Variants in QTRT2 observed in about 807,000 individuals in gnomAD.
The protein encoded by QTRT2 is queuine tRNA-ribosyltransferase domain containing 1.
A neutral mutation model predicts 44.8 loss-of-function variants in QTRT2; 32 were observed. The observed-to-expected ratio is 0.71, with a 90% CI of 0.54 to 0.96. The LOEUF (loss-of-function observed/expected upper bound fraction) is 0.96. Among genes scored for constraint, QTRT2 ranks in the 40% least tolerant of loss-of-function variants. QTRT2 has a pLI of 0.00. For missense variants in QTRT2, 461 were observed against 503.1 expected (o/e 0.92, Z 0.80); for synonymous variants, 182 against 187.4 (o/e 0.97, Z 0.24).
chr3:114,073,831 C>T (rs1275083844), intron 6 of QTRT2, among the ~76,000 whole-genome samples: 3 of 152,026 alleles, frequency 2.0e-5, no homozygotes, highest in African/African-American at 7.2e-5. Flanking sequence ...GGGAGTTTCC[C>T]GAATAGTCAT....
At chr3:114,082,246 A>G (rs1294837114) in intron 8 of QTRT2, among the ~76,000 whole-genome samples, 2 of 124,206 alleles carry the variant, frequency 1.6e-5, no homozygotes, top group Middle Eastern at 3.9e-3. Flanking sequence ...ACACACACAC[A>G]CACACACGCA....
Position 114,056,750 on chromosome 3 carries a change from T to A in QTRT2, c.-244T>A. On this transcript the variant is annotated 5_prime_UTR_variant, in exon 1 of 10. Coordinates refer to ENST00000281273, the MANE Select transcript of QTRT2 (RefSeq NM_024638.4). ...CAGTGATGACGCAGTACTCCCTGAT[T>A]GGCTCTGCACTGGAGGCAGTGATTT... 1.4e-6 allele frequency: 2 copies of A among 1,423,838 alleles called. No homozygotes were observed. The highest frequency in any genetic ancestry group is 2.6e-5 in the South Asian group (2 of 76,488). The allele number at this position is 1,423,838 out of a possible 1,614,324, so 88.2% of individuals were successfully genotyped here. A position where few individuals can be genotyped will look rare whatever the true frequency, so the allele number is the denominator to read the frequency against.
Position 114,082,719 on chromosome 3 carries a change from A to T in QTRT2, c.941A>T (p.Asp314Val). The stretch of plus-strand genomic sequence containing the variant: ...ACACAAGAAGAAATAAAATGTATGG[A>T]TCAAATAAAGAAAATTGAAACAACT... The part of the protein sequence containing the change: ...NGTQEEIKCM[D>V]QIKKIETTGC... Residue 314 changes from aspartate to valine, a missense_variant, in exon 9 of 10, where the codon GAT becomes GTT. Asp to Val is a radical substitution (Grantham distance 152). Transcript: ENST00000281273. 1 of 1,530,078 alleles carries T rather than the reference A, an allele frequency of 6.5e-7. No homozygotes were observed. Among genetic ancestry groups the T allele is most frequent in the Admixed American group, 1.9e-5 (1 of 53,582 alleles). The allele number at this position is 1,530,078 out of a possible 1,614,324, so 94.8% of individuals were successfully genotyped here.
chr3:114,070,523 T>C, intron 5 of QTRT2, 103 bp from the exon 6 acceptor site: 1 of 936,260 alleles, frequency 1.1e-6, no homozygotes, highest in South Asian at 1.5e-5. Flanking sequence ...ATTGTCACCA[T>C]CTCTGCAGTT....
intron 2 of QTRT2, among the ~76,000 whole-genome samples, chr3:114,063,516 C>T (rs2076914383): frequency 6.6e-6 from 1 of 151,846 alleles, no homozygotes; most frequent in Admixed American, 6.6e-5. Context: ...AAAATATAAC[C>T]TTTTTTTCCT....
In QTRT2 at chr3:114,079,740, C is replaced by T. The variant is rs1431748339; in HGVS notation, c.747-166C>T. The T allele has an allele frequency of 6.5e-5, 35 of 537,950 alleles. No homozygotes were observed. In the South Asian group the frequency reaches 7.4e-4, roughly 11 times the overall value. 33.3% of individuals were successfully genotyped at this position (537,950 alleles called of 1,614,324 possible). ...AGCCCCAGTTTTTCTGGCTCCAAAG[C>T]CATATGTTCTTTCTGCTGCATGTTG... On this transcript the variant is annotated intron_variant, in intron 7 of 9. Transcript: ENST00000281273.
intron 7 of QTRT2, chr3:114,079,008 T>G (rs2077128911): frequency 6.6e-6 from 1 of 151,984 alleles, no homozygotes; most frequent in Non-Finnish European, 1.5e-5. Context: ...AGGGATATAG[T>G]GGATTAAAAT....
rs1043584419 is a variant in QTRT2, at chr3:114,085,878, G to C, written c.1222G>C (p.Glu408Gln). 2 of 1,613,992 alleles carry C rather than the reference G, an allele frequency of 1.2e-6. No homozygotes were observed. The highest frequency in any genetic ancestry group is 1.7e-5 in the Admixed American group (1 of 59,992). Residue 408 changes from glutamate to glutamine, a missense_variant, in exon 10 of 10, where the codon GAG becomes CAG. Glu to Gln is a conservative substitution (Grantham distance 29, BLOSUM62 2). Transcript: ENST00000281273. Reference sequence around the variant, plus strand: ...AAGTGACAAACTGGCACAGTTGAAAGAGCTCATCCACAGGCAAGCATCTTG... The same window carrying C: ...AAGTGACAAACTGGCACAGTTGAAACAGCTCATCCACAGGCAAGCATCTTG... ...LKSDKLAQLK[E>Q]LIHRQAS
intron 5 of QTRT2, among the ~76,000 whole-genome samples, chr3:114,068,894 C>G (rs544879101): frequency 1.3e-5 from 2 of 152,010 alleles, no homozygotes; most frequent in Admixed American, 6.6e-5. Context: ...ACTACAGATA[C>G]AAAAATTAGC....
In QTRT2 at chr3:114,086,643, G is replaced by C. The variant is rs1394141768; in HGVS notation, c.*739G>C. On this transcript the variant is annotated 3_prime_UTR_variant, in exon 10 of 10. Coordinates refer to ENST00000281273, the MANE Select transcript of QTRT2 (RefSeq NM_024638.4). ...AGATCCATTGTGGTCTGCCTTCCAG[G>C]CTCATTAATAGTCTAACTACGTAAT... The C allele has an allele frequency of 6.6e-6, 1 of 152,572 alleles. No homozygotes were observed. 9.5% of individuals were successfully genotyped at this position (152,572 alleles called of 1,614,324 possible).
intron 4 of QTRT2, 99 bp from the exon 5 acceptor site, chr3:114,067,888 C>T (rs2076974268): frequency 1.1e-5 from 11 of 969,010 alleles, no homozygotes; most frequent in South Asian, 2.7e-5. Flanking sequence ...TTTAGAGTTG[C>T]TTTATTCAGC....
intron 6 of QTRT2, among the ~76,000 whole-genome samples, chr3:114,075,546 T>C (rs2077078523): frequency 6.7e-6 from 1 of 149,078 alleles, no homozygotes; most frequent in Non-Finnish European, 1.5e-5. Flanking sequence ...CCTTGCCCTG[T>C]CATCTAGGCT....
chr3:114,073,677 C>A (rs891584623), intron 6 of QTRT2, among the ~76,000 whole-genome samples: 1 of 152,112 alleles, frequency 6.6e-6, no homozygotes. Flanking sequence ...CCGCGCCCGG[C>A]CTTACTTATG....
At position 114,068,079 on chromosome 3, in the gene QTRT2, G is replaced by A. The variant is rs1161101875; in HGVS notation, c.333+16G>A. 3 of 1,610,048 alleles carry A rather than the reference G, an allele frequency of 1.9e-6. No individual in the cohort carries two copies. Among genetic ancestry groups the A allele is most frequent in the Non-Finnish European group, 2.5e-6 (3 of 1,176,494 alleles). On this transcript the variant is annotated intron_variant, in intron 5 of 9. Coordinates refer to ENST00000281273, the MANE Select transcript of QTRT2 (RefSeq NM_024638.4). ...AACAAACAAGGTGTGTTTTCAGAAG[G>A]GTCTCCAAGGCTGCAGCTTTGTCCC...
At chr3:114,064,884 G>A (rs1018556409) in intron 2 of QTRT2, among the ~76,000 whole-genome samples, 10 of 152,124 alleles carry the variant, frequency 6.6e-5, no homozygotes, top group African/African-American at 2.4e-4. Context: ...ACTGTTCTCT[G>A]TATACATTTT....
chr3:114,077,016 T>C (rs2077100721), intron 7 of QTRT2, 74 bp downstream of exon 7: 7 of 1,379,750 alleles, frequency 5.1e-6, no homozygotes, highest in Non-Finnish European at 6.1e-6. Context: ...GTATATTAAA[T>C]AGTGTCTGTG....
In QTRT2 at chr3:114,056,771, G is replaced by A; in HGVS notation, c.-223G>A. 1 of 1,499,590 alleles carries A rather than the reference G, an allele frequency of 6.7e-7. No homozygotes were observed. Among genetic ancestry groups the A allele is most frequent in the East Asian group, 2.5e-5 (1 of 40,690 alleles). 92.9% of individuals were successfully genotyped at this position (1,499,590 alleles called of 1,614,324 possible). A position where few individuals can be genotyped will look rare whatever the true frequency, so the allele number is the denominator to read the frequency against. On this transcript the variant is annotated 5_prime_UTR_variant, in exon 1 of 10. Transcript: ENST00000281273. Reference sequence around the variant, plus strand: ...TGATTGGCTCTGCACTGGAGGCAGTGATTTTGGGGCAGAGAATTTTGCAAC... The same window carrying A: ...TGATTGGCTCTGCACTGGAGGCAGTAATTTTGGGGCAGAGAATTTTGCAAC...
intron 6 of QTRT2, among the ~76,000 whole-genome samples, chr3:114,073,705 C>T (rs1021294287): frequency 5.9e-5 from 9 of 152,006 alleles, no homozygotes; most frequent in African/African-American, 1.4e-4. Context: ...ATTGGTCAAA[C>T]GTGTAGTCCC....
chr3:114,070,467 A>G (rs1364518067), intron 5 of QTRT2, among the ~76,000 whole-genome samples, 159 bp from the exon 6 acceptor site: 2 of 152,214 alleles, frequency 1.3e-5, no homozygotes, highest in South Asian at 2.1e-4. Flanking sequence ...CTGAAGGATT[A>G]TCTGTAAGCT....
Sources: allele counts gnomAD v4.1 joint callset (sites outside exome capture counted in the v4.1 genomes callset), GRCh38; gene constraint gnomAD v4.1.1; transcripts MANE v1.5; gene names NCBI Gene and HGNC (gene_info 2026-07-23, HGNC 2026-07-21).